Variants in KAT2B observed in about 807,000 individuals in gnomAD.
KAT2B encodes the protein histone acetyltransferase KAT2B.
Under a neutral mutation model 105.9 loss-of-function variants are expected in KAT2B, and 36 were observed. The observed-to-expected ratio is 0.34, with a 90% CI of 0.26 to 0.45. The LOEUF is 0.45. Among genes scored for constraint, KAT2B ranks in the 20% least tolerant of loss-of-function variants. The pLI is 1.00. For synonymous variants in KAT2B, 397 were observed against 377.9 expected (o/e 1.05, Z -0.59); for missense variants, 820 against 1,021.6 (o/e 0.80, Z 2.69).
intron 1 of KAT2B, among the ~76,000 whole-genome samples, chr3:20,062,123 TATA>T (rs1314444652): frequency 1.2e-5 from 1 of 82,956 alleles, no homozygotes; most frequent in Non-Finnish European, 2.0e-5. Context: ...ATATAAAACA[TATA>T]TATATAAAAT....
chr3:20,102,805 AG>A (rs774076623), intron 5 of KAT2B, among the ~76,000 whole-genome samples: 21 of 152,196 alleles, frequency 1.4e-4, no homozygotes, highest in Admixed American at 2.0e-4. Context: ...AGGCACATCA[AG>A]CTTGCATTAG....
At chr3:20,106,634 T>G (rs1361575216) in intron 5 of KAT2B, among the ~76,000 whole-genome samples, 1 of 152,220 alleles carries the variant, frequency 6.6e-6, no homozygotes, top group Non-Finnish European at 1.5e-5. Flanking sequence ...GCCCATTATT[T>G]GAACATTTTT....
At position 20,127,612 on chromosome 3, in the gene KAT2B, A is replaced by C; in HGVS notation, c.1749+63A>C. 4.7e-6 allele frequency: 7 copies of C among 1,489,026 alleles called. No individual in the cohort carries two copies. In the African/African-American group the frequency reaches 7.0e-5, roughly 15 times the overall value. 92.2% of individuals were successfully genotyped at this position (1,489,026 alleles called of 1,614,324 possible). A position where few individuals can be genotyped will look rare whatever the true frequency, so the allele number is the denominator to read the frequency against. On this transcript the variant is annotated intron_variant, in intron 11 of 17. Transcript: ENST00000263754. ...TGTGGGGCTTCTCACTAAGGCCTGC[A>C]GAGCTTGGGAAGATCTCTCTGTGCC...
At chr3:20,106,309 T>C (rs867354936) in intron 5 of KAT2B, among the ~76,000 whole-genome samples, 1 of 152,260 alleles carries the variant, frequency 6.6e-6, no homozygotes, top group Non-Finnish European at 1.5e-5. Context: ...AAATCAGTCA[T>C]GTAGGTAAAA....
intron 1 of KAT2B, among the ~76,000 whole-genome samples, chr3:20,051,670 T>G (rs923756254): frequency 1.3e-5 from 2 of 152,114 alleles, no homozygotes; most frequent in East Asian, 3.9e-4. Flanking sequence ...AATGCCACCC[T>G]CTCCCCAGGA....
intron 2 of KAT2B, among the ~76,000 whole-genome samples, chr3:20,093,777 C>A (rs573636497): frequency 6.6e-6 from 1 of 152,288 alleles, no homozygotes; most frequent in South Asian, 2.1e-4. Context: ...TAGAGCTATA[C>A]CTAAGAGGAT....
rs1698405403 is a variant in KAT2B at position 20,075,678 on chromosome 3, A to G, written c.430+3219A>G. 2.0e-5 allele frequency among the ~76,000 whole-genome samples: 3 copies of G among 152,254 alleles called. No individual in the cohort carries two copies. In the South Asian group the frequency reaches 6.2e-4, roughly 32 times the overall value. On this transcript the variant is annotated intron_variant, in intron 2 of 17. Coordinates refer to ENST00000263754, the MANE Select transcript of KAT2B (RefSeq NM_003884.5). ...TAAAGGATACACAGACAGCCAGATGAAGGGATGCACATTGCAAGGTTTGGG... is the reference window on the plus strand; with the variant it reads ...TAAAGGATACACAGACAGCCAGATGGAGGGATGCACATTGCAAGGTTTGGG...
chr3:20,122,514 C>G (rs1407482967), intron 8 of KAT2B, among the ~76,000 whole-genome samples, 154 bp from the exon 9 acceptor site: 7 of 152,180 alleles, frequency 4.6e-5, no homozygotes, highest in Non-Finnish European at 8.8e-5. Context: ...CACAATGGCT[C>G]TCTTTCCTGT....
chr3:20,070,309 C>T (rs1376096967), intron 1 of KAT2B, among the ~76,000 whole-genome samples: 2 of 86,512 alleles, frequency 2.3e-5, no homozygotes, highest in South Asian at 4.3e-4. Flanking sequence ...TTCTTTCTTT[C>T]TTTTTTTTTT....
intron 7 of KAT2B, among the ~76,000 whole-genome samples, chr3:20,117,982 CAG>C (rs1286246611): frequency 1.3e-5 from 2 of 151,920 alleles, no homozygotes; most frequent in Non-Finnish European, 2.9e-5. Flanking sequence ...AAGAAGGTGA[CAG>C]AGAAATCCTG....
At chr3:20,085,725 G>T (rs890912700) in intron 2 of KAT2B, among the ~76,000 whole-genome samples, 1 of 151,914 alleles carries the variant, frequency 6.6e-6, no homozygotes, top group East Asian at 1.9e-4. Context: ...TAGCCAGGCT[G>T]GCCTCTAACT....
At chr3:20,142,557 G>A (rs1476473638) in intron 13 of KAT2B, among the ~76,000 whole-genome samples, 1 of 151,054 alleles carries the variant, frequency 6.6e-6, no homozygotes, top group Non-Finnish European at 1.5e-5. Flanking sequence ...ATAAGTTGTA[G>A]TTGTCATTAG....
chr3:20,121,730 ATATGTGTGTGTG>A lies in KAT2B; in HGVS notation c.1277-936_1277-925del, dbSNP rs1426224274. On this transcript the variant is annotated intron_variant, in intron 8 of 17. Transcript: ENST00000263754. ...TATATATGCATACATACACATATGC[ATATGTGTGTGTG>A]TGTGTGTGTGTGTGTGTGTGTGTGT... Among the ~76,000 whole-genome samples the A allele has an allele frequency of 8.0e-3, 738 of 92,574 alleles. 12 individuals are homozygous for A. Among genetic ancestry groups the A allele is most frequent in the African/African-American group, 0.025 (680 of 27,014 alleles). The allele number at this position is 92,574 out of a possible 152,430, so 60.7% of individuals were successfully genotyped here. A position where few individuals can be genotyped will look rare whatever the true frequency, so the allele number is the denominator to read the frequency against.
intron 1 of KAT2B, among the ~76,000 whole-genome samples, chr3:20,052,271 T>C (rs1697928082): frequency 6.6e-6 from 1 of 152,218 alleles, no homozygotes; most frequent in Non-Finnish European, 1.5e-5. Flanking sequence ...TTCTTAATAT[T>C]TGGAAATTAT....
In KAT2B at chr3:20,146,406, C is replaced by T; in HGVS notation, c.2095C>T (p.Pro699Ser). 6.2e-7 allele frequency: 1 copy of T among 1,611,136 alleles called. No individual in the cohort carries two copies. The highest frequency in any genetic ancestry group is 1.7e-5 in the Admixed American group (1 of 59,978). The change falls in exon 14 of 18, where the codon CCT (proline) becomes TCT (serine). Residue 699 changes from proline (P) to serine (S), a missense_variant. This residue lies in a region of KAT2B where 227 missense variants were observed against 292.9 expected (regional missense o/e 0.77). Transcript: ENST00000263754. ...SCFKDGVRQI[P>S]IESIPGIRET... ...TTTTAAAGATGGAGTTCGACAGATT[C>T]CTATAGAAAGCATTCCTGGAATTAG... is the stretch of plus-strand genomic sequence containing the variant.
rs35016483 is a variant in KAT2B, at chr3:20,087,952, A to ATT, written c.431-7303_431-7302dup. Among the ~76,000 whole-genome samples the ATT allele has an allele frequency of 7.9e-5, 12 of 151,282 alleles. No individual in the cohort carries two copies. The South Asian group carries it at 1.3e-3, about 16-fold the overall frequency. On this transcript the variant is annotated intron_variant, in intron 2 of 17. Transcript: ENST00000263754. The stretch of plus-strand genomic sequence containing the variant: ...ACCATACCTAGCTAATTAAAAAAAA[A>ATT]TTTTTTTTTGTAGAGACAGGGTCTT...
chr3:20,116,256 C>T (rs1030400383), intron 7 of KAT2B, among the ~76,000 whole-genome samples: 2 of 152,126 alleles, frequency 1.3e-5, no homozygotes, highest in African/African-American at 4.8e-5. Flanking sequence ...CCCTCTGTAC[C>T]TGTGCTATTC....
chr3:20,047,564 T>G (rs539792656), intron 1 of KAT2B, among the ~76,000 whole-genome samples: 2 of 151,824 alleles, frequency 1.3e-5, no homozygotes, highest in Non-Finnish European at 2.9e-5. Context: ...CCCAGTGTTA[T>G]GACTTCTTCC....
chr3:20,140,395 G>A (rs1217292735), intron 13 of KAT2B, 31 bp downstream of exon 13: 2 of 1,610,466 alleles, frequency 1.2e-6, no homozygotes, highest in African/African-American at 1.3e-5. Context: ...CTTACCTTCT[G>A]TACAGGCCAG....
Sources: gnomAD v4.1 joint callset for allele counts (sites outside exome capture counted in the v4.1 genomes callset) on GRCh38, gnomAD v4.1.1 for gene constraint, gnomAD v4.1.1 regional missense constraint, MANE v1.5 for transcripts, NCBI Gene and HGNC (gene_info 2026-07-23, HGNC 2026-07-21) for gene names.